The following F13A1 variants were observed in gnomAD, a reference collection of about 807,000 sequenced individuals.
The protein encoded by F13A1 is FSF, A subunit.
F13A1 carries 47 observed loss-of-function variants against 80.1 expected under a neutral mutation model. The observed-to-expected ratio is 0.59, with a 90% CI of 0.46 to 0.75. The LOEUF is 0.75. Ranked by LOEUF, F13A1 falls within the 30% of genes least tolerant of loss-of-function variation. F13A1 has a pLI of 0.00. For synonymous variants in F13A1, 349 were observed against 344.9 expected (o/e 1.01, Z -0.13); for missense variants, 817 against 930.4 (o/e 0.88, Z 1.59).
chr6:6,267,645 A>G (rs1348310976), intron 3 of F13A1, among the ~76,000 whole-genome samples: 1 of 152,208 alleles, frequency 6.6e-6, no homozygotes, highest in Non-Finnish European at 1.5e-5. Context: ...TTGTCACTAA[A>G]TACTGATTTA....
chr6:6,225,485 CTTTT>C (rs890050953), intron 6 of F13A1, among the ~76,000 whole-genome samples: 18 of 151,720 alleles, frequency 1.2e-4, no homozygotes, highest in Admixed American at 3.3e-4. Flanking sequence ...GTTTTTGTTT[CTTTT>C]TTCTTTTCTT....
intron 8 of F13A1, among the ~76,000 whole-genome samples, chr6:6,216,369 G>A (rs1323466526): frequency 8.6e-5 from 13 of 151,008 alleles, no homozygotes; most frequent in Non-Finnish European, 1.2e-4. Context: ...CAGAAATAAC[G>A]CCGCATATCT....
intron 9 of F13A1, 44 bp from the exon 10 acceptor site, chr6:6,195,929 A>G (rs1414814547): frequency 3.8e-6 from 6 of 1,560,436 alleles, no homozygotes; most frequent in South Asian, 1.1e-5. Flanking sequence ...GTCATCTCCA[A>G]TTCTGTCCAG....
At chr6:6,167,642 G>C in intron 12 of F13A1, 24 bp from the exon 13 acceptor site, 1 of 1,611,806 alleles carries the variant, frequency 6.2e-7, no homozygotes, top group Non-Finnish European at 8.5e-7. Flanking sequence ...ACACACACAG[G>C]CCTGGCATCA....
At chr6:6,292,669 T>C (rs1264793203) in intron 3 of F13A1, among the ~76,000 whole-genome samples, 1 of 152,232 alleles carries the variant, frequency 6.6e-6, no homozygotes, top group Non-Finnish European at 1.5e-5. Flanking sequence ...AAAGTGTTGC[T>C]GATGACATTT....
At chr6:6,164,726 C>T (rs1760635788) in intron 13 of F13A1, among the ~76,000 whole-genome samples, 1 of 149,898 alleles carries the variant, frequency 6.7e-6, no homozygotes, top group Non-Finnish European at 1.5e-5. Context: ...CCTCCTGTGC[C>T]TTCCTCTTTT....
At chr6:6,158,052 T>C (rs1198867389) in intron 13 of F13A1, among the ~76,000 whole-genome samples, 2 of 152,110 alleles carry the variant, frequency 1.3e-5, no homozygotes, top group South Asian at 2.1e-4. Flanking sequence ...CACAATCCTC[T>C]GTGAAAGTAG....
chr6:6,167,418 T>C, intron 13 of F13A1, 40 bp downstream of exon 13: 1 of 1,610,250 alleles, frequency 6.2e-7, no homozygotes, highest in Non-Finnish European at 8.5e-7. Flanking sequence ...TAAGTCTGCG[T>C]GCCTTTGTCT....
chr6:6,169,327 T>C (rs1256880857), intron 12 of F13A1: 2 of 153,756 alleles, frequency 1.3e-5, no homozygotes, highest in African/African-American at 4.8e-5. Context: ...AGCACCATCA[T>C]CACCTGGGAG....
In F13A1 at chr6:6,289,285, G is replaced by A. The variant is rs189446577; in HGVS notation, c.319+16066C>T. 2.0e-3 allele frequency among the ~76,000 whole-genome samples: 305 copies of A among 152,212 alleles called. 2 individuals carry two copies. Among genetic ancestry groups the A allele is most frequent in the African/African-American group, 6.8e-3 (283 of 41,514 alleles). On this transcript the variant is annotated intron_variant, in intron 3 of 14. Coordinates refer to ENST00000264870, the MANE Select transcript of F13A1 (RefSeq NM_000129.4). The stretch of plus-strand genomic sequence containing the variant: ...AAGCCGCCTCTTTCCCCACCAAAAA[G>A]GGCTTCATTTAGCCCTTTAATCACG...
intron 8 of F13A1, among the ~76,000 whole-genome samples, chr6:6,210,982 C>T (rs570188704): frequency 3.9e-5 from 6 of 152,270 alleles, no homozygotes; most frequent in East Asian, 3.9e-4. Context: ...CCTCCTGCAT[C>T]GGCCTCCCAA....
In F13A1 at chr6:6,167,462, A is replaced by T; in HGVS notation, c.1904T>A (p.Ile635Asn). The T allele has an allele frequency of 6.2e-7, 1 of 1,613,770 alleles. No individual in the cohort carries two copies. Among genetic ancestry groups the T allele is most frequent in the Non-Finnish European group, 8.5e-7 (1 of 1,179,984 alleles). The part of the protein sequence containing the change: ...STVLTIPEII[I>N]KVRGTQVVGS... ...GGATGAGACGCTAAGACTGACCTTG[A>T]TGATGATCTCAGGGATGGTTAGCAC... The change falls in exon 13 of 15, where the codon ATC becomes AAC. Residue 635 changes from isoleucine to asparagine, a missense_variant. Physicochemically the swap from Ile to Asn is moderately radical, Grantham distance 149. Coordinates refer to ENST00000264870, the MANE Select transcript of F13A1 (RefSeq NM_000129.4).
intron 10 of F13A1, among the ~76,000 whole-genome samples, chr6:6,192,390 G>A (rs137897294): frequency 1.3e-4 from 20 of 152,300 alleles, no homozygotes; most frequent in African/African-American, 4.3e-4. Flanking sequence ...ATGGAGCTCA[G>A]TGTTGTACAG....
chr6:6,224,512 G>A (rs1460086402), intron 7 of F13A1, among the ~76,000 whole-genome samples, 174 bp downstream of exon 7: 2 of 152,148 alleles, frequency 1.3e-5, no homozygotes, highest in African/African-American at 4.8e-5. Flanking sequence ...GAAACTATGA[G>A]CATATTTGGC....
chr6:6,266,908 T>A, intron 3 of F13A1, 99 bp from the exon 4 acceptor site: 1 of 1,511,492 alleles, frequency 6.6e-7, no homozygotes, highest in Admixed American at 1.7e-5. Flanking sequence ...GAGTAATCCA[T>A]TAGAATTATT....
At chr6:6,301,568 ATT>A (rs1036029068) in intron 3 of F13A1, among the ~76,000 whole-genome samples, 1 of 152,196 alleles carries the variant, frequency 6.6e-6, no homozygotes, top group Non-Finnish European at 1.5e-5. Context: ...AAATATACAG[ATT>A]TTATCTCAAA....
chr6:6,191,047 C>T (rs1761185477), intron 10 of F13A1, among the ~76,000 whole-genome samples: 1 of 152,272 alleles, frequency 6.6e-6, no homozygotes, highest in African/African-American at 2.4e-5. Context: ...ACCCCTTGTG[C>T]TTCCCGAGTG....
chr6:6,197,207 G>C lies in F13A1; in HGVS notation c.1216+16C>G. ...CAGCAATGAAGCAAGTTCCCAGAGG[G>C]AGGACACAGTTTTACCATCGCTATT... On this transcript the variant is annotated intron_variant, in intron 9 of 14. Transcript: ENST00000264870. The C allele has an allele frequency of 6.2e-7, 1 of 1,611,158 alleles. No homozygotes were observed. The highest frequency in any genetic ancestry group is 8.5e-7 in the Non-Finnish European group (1 of 1,177,384).
intron 4 of F13A1, among the ~76,000 whole-genome samples, chr6:6,263,393 T>A (rs2113119715): frequency 6.6e-6 from 1 of 152,296 alleles, no homozygotes; most frequent in African/African-American, 2.4e-5. Flanking sequence ...TTAAACAGAG[T>A]TGACTGCTGT....
Sources: allele counts gnomAD v4.1 joint callset (sites outside exome capture counted in the v4.1 genomes callset), GRCh38; gene constraint gnomAD v4.1.1; transcripts MANE v1.5; gene names NCBI Gene and HGNC (gene_info 2026-07-23, HGNC 2026-07-21).